The following IPO11 variants were observed in gnomAD, a reference collection of about 807,000 sequenced individuals.
IPO11 encodes importin-11.
A neutral mutation model predicts 143.2 loss-of-function variants in IPO11; 66 were observed. The ratio of observed to expected loss-of-function variants is 0.46; its 90% CI spans 0.38 to 0.57. The LOEUF is 0.57. IPO11 is among the 20% of genes least tolerant of loss of function. The pLI is 0.00. For synonymous variants in IPO11, 385 were observed against 377.8 expected, an observed-to-expected ratio of 1.02 and a Z score of -0.22; for missense variants, 1,026 against 1,141.0, an observed-to-expected ratio of 0.90 and a Z score of 1.45.
chr5:62,458,179 G>C (rs943152640), intron 5 of IPO11, among the ~76,000 whole-genome samples: 14 of 149,610 alleles, frequency 9.4e-5, no homozygotes, highest in Admixed American at 8.0e-4. Flanking sequence ...AAATGCCTTT[G>C]TGAGCAAGTC....
At chr5:62,421,791 C>T (rs1034923302) in intron 1 of IPO11, among the ~76,000 whole-genome samples, 1 of 152,190 alleles carries the variant, frequency 6.6e-6, no homozygotes, top group Non-Finnish European at 1.5e-5. Flanking sequence ...GGGATTATTA[C>T]TTGGCATACA....
chr5:62,530,650 T>C (rs950576164), intron 21 of IPO11, 59 bp from the exon 22 acceptor site: 1 of 1,008,926 alleles, frequency 9.9e-7, no homozygotes, highest in African/African-American at 1.6e-5. Flanking sequence ...ATTTAAGTCA[T>C]ATGTTAATGG....
At chr5:62,547,136 C>T (rs1313621096) in intron 24 of IPO11, among the ~76,000 whole-genome samples, 1 of 152,080 alleles carries the variant, frequency 6.6e-6, no homozygotes, top group Non-Finnish European at 1.5e-5. Flanking sequence ...TAGTATTTCA[C>T]ATGTACATCC....
chr5:62,534,719 A>T (rs148269882), intron 22 of IPO11, among the ~76,000 whole-genome samples: 8 of 152,128 alleles, frequency 5.3e-5, no homozygotes, highest in African/African-American at 1.9e-4. Flanking sequence ...GCATTGAAGG[A>T]TGTTTAAAAG....
intron 26 of IPO11, among the ~76,000 whole-genome samples, chr5:62,554,321 T>G (rs1450631815): frequency 6.6e-6 from 1 of 152,194 alleles, no homozygotes; most frequent in African/African-American, 2.4e-5. Context: ...TTGCCTATGT[T>G]TTTGAGGTTT....
At chr5:62,422,411 G>C (rs1743546416) in intron 1 of IPO11, 1 of 152,386 alleles carries the variant, frequency 6.6e-6, no homozygotes, top group Non-Finnish European at 1.5e-5. Context: ...ACAGGTGTGA[G>C]CCACTGCCCA....
chr5:62,452,723 GGTGTGTGTGTGTGTGTGTGT>G (rs57057274), intron 5 of IPO11, among the ~76,000 whole-genome samples: 1 of 135,334 alleles, frequency 7.4e-6, no homozygotes, highest in Admixed American at 7.3e-5. Context: ...TTTTTGGTGG[GGTGTGTGTGTGTGTGTGTGT>G]GTGTGTGTGT....
intron 27 of IPO11, chr5:62,575,829 A>C (rs1744296303): frequency 6.6e-6 from 1 of 152,174 alleles, no homozygotes; most frequent in South Asian, 2.1e-4. Flanking sequence ...TAAGAGGTCT[A>C]TATTGAGATA....
At chr5:62,489,200 T>C (rs1300097102) in intron 13 of IPO11, 102 bp from the exon 14 acceptor site, 10 of 602,550 alleles carry the variant, frequency 1.7e-5, no homozygotes, top group Non-Finnish European at 2.7e-5. Context: ...GTGTTATACT[T>C]AATTGAATTG....
intron 1 of IPO11, among the ~76,000 whole-genome samples, chr5:62,414,722 T>C (rs1405228367): frequency 6.6e-6 from 1 of 152,236 alleles, no homozygotes; most frequent in South Asian, 2.1e-4. Context: ...AGCTGCTGAA[T>C]CAAAATCTGC....
chr5:62,442,098 C>T (rs1379339790), intron 2 of IPO11, among the ~76,000 whole-genome samples: 1 of 152,136 alleles, frequency 6.6e-6, no homozygotes, highest in Non-Finnish European at 1.5e-5. Context: ...CCTGCCTCGA[C>T]CTCCCAAAGT....
chr5:62,598,837 A>T (rs113358553), intron 28 of IPO11, among the ~76,000 whole-genome samples: 31 of 151,620 alleles, frequency 2.0e-4, no homozygotes, highest in African/African-American at 7.5e-4. Flanking sequence ...GACCCACCGC[A>T]CCTGGCCCAT....
chr5:62,496,701 A>G (rs992997288), intron 16 of IPO11, among the ~76,000 whole-genome samples: 7 of 152,228 alleles, frequency 4.6e-5, no homozygotes, highest in Non-Finnish European at 1.0e-4. Flanking sequence ...GTATGTATAT[A>G]TATGCAAACA....
chr5:62,487,479 T>G (rs548515521), intron 12 of IPO11, among the ~76,000 whole-genome samples: 1 of 152,118 alleles, frequency 6.6e-6, no homozygotes, highest in Non-Finnish European at 1.5e-5. Context: ...AAATTTAAGG[T>G]ATGATTAATT....
intron 24 of IPO11, among the ~76,000 whole-genome samples, chr5:62,543,282 C>T (rs1475466679): frequency 2.0e-5 from 3 of 152,142 alleles, no homozygotes; most frequent in South Asian, 2.1e-4. Flanking sequence ...CCTTGTACCT[C>T]TGGTAGAATT....
chr5:62,616,070 AG>A (rs67923113), intron 29 of IPO11, among the ~76,000 whole-genome samples: 62,113 of 105,972 alleles, frequency 0.59, 14,685 homozygotes, highest in South Asian at 0.65. Context: ...TGGGGGAGGA[AG>A]GGGGGTGGCA....
intron 27 of IPO11, among the ~76,000 whole-genome samples, chr5:62,584,078 A>G (rs1014970770): frequency 6.6e-6 from 1 of 152,214 alleles, no homozygotes; most frequent in Non-Finnish European, 1.5e-5. Flanking sequence ...AATGACCAAT[A>G]TTAGAAATCA....
intron 1 of IPO11, among the ~76,000 whole-genome samples, chr5:62,432,375 A>G (rs1744025306): frequency 6.6e-6 from 1 of 152,196 alleles, no homozygotes; most frequent in Admixed American, 6.5e-5. Flanking sequence ...TCTGCAGCAT[A>G]TAGCTGGGGT....
chr5:62,465,137 A>C (rs1291045517), intron 5 of IPO11, among the ~76,000 whole-genome samples: 1 of 152,174 alleles, frequency 6.6e-6, no homozygotes, highest in African/African-American at 2.4e-5. Flanking sequence ...TGTAGTTTAA[A>C]ATTTAATTTT....
Sources: allele counts gnomAD v4.1 joint callset (sites outside exome capture counted in the v4.1 genomes callset), GRCh38; gene constraint gnomAD v4.1.1; transcripts MANE v1.5; gene names NCBI Gene and HGNC (gene_info 2026-07-23, HGNC 2026-07-21).